Variants in RAB5B observed in about 807,000 individuals in gnomAD.
RAB5B encodes RAB5B, member RAS oncogene family, also known as ras-related protein Rab-5B.
In RAB5B, 11 loss-of-function variants were observed where a neutral mutation model predicts 28.6. The observed-to-expected ratio is 0.38, with a 90% confidence interval of 0.24 to 0.64. RAB5B has a LOEUF of 0.64. Among genes scored for constraint, RAB5B ranks in the 30% least tolerant of loss-of-function variants. The probability of loss-of-function intolerance (pLI) is 0.53; values close to 1 mark genes in which losing one functional copy is unlikely to be tolerated. For synonymous variants in RAB5B, 93 were observed against 97.9 expected, an observed-to-expected ratio of 0.95 and a Z score of 0.29; for missense variants, 169 against 265.6, an observed-to-expected ratio of 0.64 and a Z score of 2.53.
intron 1 of RAB5B, among the ~76,000 whole-genome samples, chr12:55,977,451 A>G (rs941191956): frequency 6.6e-6 from 1 of 151,998 alleles, no homozygotes; most frequent in Non-Finnish European, 1.5e-5. Flanking sequence ...CATACCTCAT[A>G]TCTTTTAAAA....
intron 1 of RAB5B, among the ~76,000 whole-genome samples, chr12:55,982,020 T>C (rs2136477057): frequency 6.6e-6 from 1 of 152,164 alleles, no homozygotes; most frequent in Middle Eastern, 3.4e-3. Flanking sequence ...CAGACTGGTG[T>C]TGAATTCCTG....
rs553902200 is a variant in RAB5B at position 55,987,142 on chromosome 12, T to C, written c.163+19T>C. The C allele has an allele frequency of 3.8e-6, 6 of 1,591,116 alleles. No individual in the cohort carries two copies. The highest frequency in any genetic ancestry group is 2.2e-5 in the East Asian group (1 of 44,592). ...ATTGGAGGTGAGTGCCTTGGGGTAA[T>C]AGGAGATTGAATGTTTGGTAAGGGT... On this transcript the variant is annotated intron_variant, in intron 2 of 5. Coordinates refer to ENST00000360299, the MANE Select transcript of RAB5B (RefSeq NM_002868.4).
In RAB5B at chr12:55,992,213, G is replaced by A. The variant is rs1352506748; in HGVS notation, c.*1G>A. On this transcript the variant is annotated 3_prime_UTR_variant, in exon 6 of 6. Coordinates refer to ENST00000360299, the MANE Select transcript of RAB5B (RefSeq NM_002868.4). ...CAAGAGCCAGTGTTGTAGCAACTGA[G>A]GGGGTGGCTAGCAGCAAACAAGTAT... 3.1e-6 allele frequency: 5 copies of A among 1,610,338 alleles called. No homozygotes were observed. The African/African-American group carries it at 6.7e-5, about 22-fold the overall frequency.
intron 1 of RAB5B, among the ~76,000 whole-genome samples, chr12:55,981,350 C>T (rs531402999): frequency 5.3e-5 from 8 of 152,084 alleles, no homozygotes; most frequent in Non-Finnish European, 1.0e-4. Flanking sequence ...AGGTGTAAGC[C>T]ACCACGCCTA....
chr12:55,985,550 G>A (rs768746953), intron 1 of RAB5B: 24 of 331,702 alleles, frequency 7.2e-5, no homozygotes, highest in Middle Eastern at 4.0e-4. Context: ...AGATTTAGAC[G>A]ATTAGAATCT....
At chr12:55,987,916 G>A (rs1251319003) in intron 2 of RAB5B, among the ~76,000 whole-genome samples, 3 of 151,654 alleles carry the variant, frequency 2.0e-5, no homozygotes, top group African/African-American at 4.9e-5. Context: ...GGAGGCCAAG[G>A]CAGGCGGATC....
intron 2 of RAB5B, among the ~76,000 whole-genome samples, chr12:55,988,147 C>G (rs1890007397): frequency 6.6e-6 from 1 of 151,106 alleles, no homozygotes; most frequent in Non-Finnish European, 1.5e-5. Flanking sequence ...GAAAATCCGT[C>G]TCAAAAAAAC....
At chr12:55,973,980 A>G (rs1889564845), upstream of RAB5B, 1 of 152,332 alleles carries the variant, frequency 6.6e-6, no homozygotes, top group Non-Finnish European at 1.5e-5. Flanking sequence ...GGATGAGTGC[A>G]CATATAGCCC....
At chr12:55,983,607 C>T (rs1035143098) in intron 1 of RAB5B, among the ~76,000 whole-genome samples, 2 of 151,478 alleles carry the variant, frequency 1.3e-5, no homozygotes, top group Admixed American at 1.3e-4. Flanking sequence ...TGAGTTCTCA[C>T]CTCTCATTCT....
Position 55,978,421 on chromosome 12 carries a change from G to A in RAB5B, c.-93+4282G>A, listed in dbSNP as rs185350673. 6.0e-3 allele frequency among the ~76,000 whole-genome samples: 917 copies of A among 152,080 alleles called. 10 individuals are homozygous for A. The highest frequency in any genetic ancestry group is 0.021 in the African/African-American group (877 of 41,480). ...CGGGAGGCTGAAGCAGGAGAATGGC[G>A]TGAACCTGGGAGGCAGAGCTTGCAG... On this transcript the variant is annotated intron_variant, in intron 1 of 5. Coordinates refer to ENST00000360299, the MANE Select transcript of RAB5B (RefSeq NM_002868.4).
intron 1 of RAB5B, among the ~76,000 whole-genome samples, chr12:55,983,654 C>CTT (rs34363943): frequency 5.8e-5 from 7 of 121,672 alleles, no homozygotes; most frequent in Admixed American, 1.7e-4. Context: ...GTTATGTCTC[C>CTT]TTTTTTTTTT....
At chr12:55,985,667 G>A (rs1293895199) in intron 1 of RAB5B, 2 of 455,640 alleles carry the variant, frequency 4.4e-6, no homozygotes, top group Admixed American at 4.7e-5. Flanking sequence ...AATACTGATT[G>A]CTTGCAGACT....
In RAB5B at chr12:55,996,003, A is replaced by ATATATATATATTTTTTTTTT; in HGVS notation, c.*3792_*3793insATATATATATTTTTTTTTTT. ...TATATACATATATATATATATATAT[A>ATATATATATATTTTTTTTTT]TTTTTTTTTTAACAACTGGTAGGAT... On this transcript the variant is annotated 3_prime_UTR_variant, in exon 6 of 6. Transcript: ENST00000360299. The ATATATATATATTTTTTTTTT allele has an allele frequency of 6.2e-5, 6 of 97,400 alleles. No homozygotes were observed. The highest frequency in any genetic ancestry group is 9.5e-5 in the African/African-American group (2 of 21,150). The allele number at this position is 97,400 out of a possible 1,614,324, so 6.0% of individuals were successfully genotyped here. A position where few individuals can be genotyped will look rare whatever the true frequency, so the allele number is the denominator to read the frequency against.
chr12:55,983,416 A>T (rs1302470314), intron 1 of RAB5B, among the ~76,000 whole-genome samples: 1 of 152,196 alleles, frequency 6.6e-6, no homozygotes, highest in Non-Finnish European at 1.5e-5. Flanking sequence ...GCTTTATGAA[A>T]AATTTGCTGT....
At chr12:55,986,820 C>T (rs1160394220) in intron 1 of RAB5B, 49 bp from the exon 2 acceptor site, 13 of 685,542 alleles carry the variant, frequency 1.9e-5, no homozygotes, top group East Asian at 1.6e-4. Flanking sequence ...AAAGCGATTG[C>T]AGCTTCAATG....
At chr12:55,988,348 G>A (rs1450178516) in intron 2 of RAB5B, among the ~76,000 whole-genome samples, 1 of 151,968 alleles carries the variant, frequency 6.6e-6, no homozygotes, top group Admixed American at 6.6e-5. Context: ...AAAAAAATCT[G>A]GTAAAATAGA....
chr12:55,980,049 G>T (rs994533153), intron 1 of RAB5B, among the ~76,000 whole-genome samples: 1 of 152,126 alleles, frequency 6.6e-6, no homozygotes, highest in Admixed American at 6.6e-5. Flanking sequence ...CCCTAGTGTA[G>T]TGCCGAGCTA....
intron 1 of RAB5B, chr12:55,980,363 C>G (rs902929193): frequency 2.5e-5 from 33 of 1,341,376 alleles, no homozygotes; most frequent in Middle Eastern, 2.5e-4. Context: ...CCTGCTCACT[C>G]CCTCTGCTGT....
rs1276563526 is a variant in RAB5B, at chr12:55,987,050, A to C, written c.90A>C (p.Ala30=). The change falls in exon 2 of 6, where the codon GCA becomes GCC. Residue 30 remains alanine (A), a synonymous_variant. Coordinates refer to ENST00000360299, the MANE Select transcript of RAB5B (RefSeq NM_002868.4). ...AATTGGTCCTGCTGGGAGAATCTGC[A>C]GTGGGAAAGTCAAGCCTGGTATTAC... ...QFKLVLLGES[A]VGKSSLVLRF... is the part of the protein sequence containing the mutation. 1.2e-6 allele frequency: 2 copies of C among 1,614,094 alleles called. No homozygotes were observed. Among genetic ancestry groups the C allele is most frequent in the Non-Finnish European group, 1.7e-6 (2 of 1,179,984 alleles).
Sources: allele counts gnomAD v4.1 joint callset (sites outside exome capture counted in the v4.1 genomes callset), GRCh38; gene constraint gnomAD v4.1.1; transcripts MANE v1.5; gene names NCBI Gene and HGNC (gene_info 2026-07-23, HGNC 2026-07-21).